Variants in SUGCT observed in about 807,000 individuals in gnomAD.
SUGCT encodes succinyl-CoA:glutarate-CoA transferase.
Under a neutral mutation model 55.0 loss-of-function variants are expected in SUGCT, and 41 were observed. That is an observed-to-expected ratio of 0.74 (90% CI 0.58 to 0.97). The LOEUF is 0.97. Among genes scored for constraint, SUGCT ranks in the 50% least tolerant of loss-of-function variants. The pLI, the probability that SUGCT is intolerant of heterozygous loss-of-function variation, is 0.00. For synonymous variants in SUGCT, 187 were observed against 200.4 expected, an observed-to-expected ratio of 0.93 and a Z score of 0.56; for missense variants, 568 against 547.8, an observed-to-expected ratio of 1.04 and a Z score of -0.37.
chr7:40,489,346 G>T (rs1390221980), intron 11 of SUGCT, among the ~76,000 whole-genome samples: 4 of 150,604 alleles, frequency 2.7e-5, no homozygotes, highest in Non-Finnish European at 4.4e-5. Context: ...TCTGATATTT[G>T]TTTCTCTGTA....
chr7:40,460,352 G>T (rs1162762399), intron 11 of SUGCT, among the ~76,000 whole-genome samples: 1 of 152,134 alleles, frequency 6.6e-6, no homozygotes, highest in African/African-American at 2.4e-5. Flanking sequence ...GCCCTTTTCT[G>T]GTCCCTAGTT....
intron 13 of SUGCT, among the ~76,000 whole-genome samples, chr7:40,796,334 G>A (rs937445090): frequency 6.6e-5 from 10 of 152,198 alleles, no homozygotes; most frequent in African/African-American, 2.4e-4. Flanking sequence ...GATATGGTAA[G>A]GAGAGAACTT....
chr7:40,213,510 C>T (rs368796637), intron 6 of SUGCT, among the ~76,000 whole-genome samples: 91 of 152,262 alleles, frequency 6.0e-4, no homozygotes, highest in Middle Eastern at 3.4e-3. Context: ...TTGATCTCTT[C>T]GTTAGGATGG....
chr7:41,033,632 CACA>C, the SUGCT span, among the ~76,000 whole-genome samples: 1 of 152,084 alleles, frequency 6.6e-6, no homozygotes, highest in Admixed American at 6.5e-5. Flanking sequence ...TGCAAATGTG[CACA>C]TGCAGGAATT....
At chr7:40,871,864 C>A in the SUGCT span, among the ~76,000 whole-genome samples, 1 of 152,180 alleles carries the variant, frequency 6.6e-6, no homozygotes, top group African/African-American at 2.4e-5. Flanking sequence ...ATATGGAACA[C>A]AAATATTAAT....
At chr7:40,331,139 C>T (rs763922185) in intron 9 of SUGCT, among the ~76,000 whole-genome samples, 5 of 152,050 alleles carry the variant, frequency 3.3e-5, no homozygotes, top group African/African-American at 9.7e-5. Context: ...GCATTCAAAG[C>T]GTCCTGGGCC....
intron 13 of SUGCT, chr7:40,785,275 A>G (rs1483213285): frequency 6.6e-6 from 1 of 152,204 alleles, no homozygotes; most frequent in Non-Finnish European, 1.5e-5. Flanking sequence ...CTAATTCTTT[A>G]GGGATAAGAA....
chr7:40,447,542 A>G (rs1788908073), intron 9 of SUGCT, among the ~76,000 whole-genome samples: 1 of 152,122 alleles, frequency 6.6e-6, no homozygotes, highest in Admixed American at 6.6e-5. Context: ...TGGGGAAGTG[A>G]GGGCAGGTGG....
intron 9 of SUGCT, among the ~76,000 whole-genome samples, chr7:40,367,877 C>T (rs1255573017): frequency 1.3e-5 from 2 of 152,148 alleles, no homozygotes; most frequent in Non-Finnish European, 2.9e-5. Flanking sequence ...CCTTCCTGGC[C>T]CTTGCCATCT....
chr7:40,361,561 G>A (rs551496122), intron 9 of SUGCT, among the ~76,000 whole-genome samples: 7 of 150,858 alleles, frequency 4.6e-5, no homozygotes, highest in African/African-American at 1.2e-4. Flanking sequence ...GCGACACAGC[G>A]AGACTCCATC....
chr7:40,896,054 A>G, the SUGCT span, among the ~76,000 whole-genome samples: 1 of 152,218 alleles, frequency 6.6e-6, no homozygotes, highest in Admixed American at 6.5e-5. Flanking sequence ...GAAAGAAGTA[A>G]AATTGTTTGC....
intron 9 of SUGCT, among the ~76,000 whole-genome samples, chr7:40,387,154 A>T (rs927716403): frequency 5.3e-5 from 8 of 152,208 alleles, no homozygotes; most frequent in Non-Finnish European, 1.2e-4. Context: ...AATGCAAATT[A>T]CTAAATGTGA....
At chr7:40,284,860 A>G (rs1359083920) in intron 8 of SUGCT, among the ~76,000 whole-genome samples, 3 of 152,230 alleles carry the variant, frequency 2.0e-5, no homozygotes. Flanking sequence ...GCTATTGGTT[A>G]GGTTAAATGC....
chr7:40,448,904 A>ATGTG (rs34734227), intron 9 of SUGCT, among the ~76,000 whole-genome samples: 1,567 of 145,496 alleles, frequency 0.011, 51 homozygotes, highest in Admixed American at 0.062. Context: ...ATAGACACAT[A>ATGTG]TGTGTGTGTG....
chr7:40,658,486 T>A (rs1037192563), intron 12 of SUGCT, among the ~76,000 whole-genome samples: 3 of 152,082 alleles, frequency 2.0e-5, no homozygotes, highest in Non-Finnish European at 4.4e-5. Context: ...TGATTTCCCT[T>A]CTCCTCATCC....
chr7:40,938,264 AT>A, the SUGCT span, among the ~76,000 whole-genome samples: 2 of 151,918 alleles, frequency 1.3e-5, no homozygotes, highest in Admixed American at 1.3e-4. Flanking sequence ...GAAATTTACC[AT>A]TTTGCCTTTT....
At chr7:40,155,517 G>A (rs1200858771) in intron 1 of SUGCT, among the ~76,000 whole-genome samples, 1 of 152,146 alleles carries the variant, frequency 6.6e-6, no homozygotes, top group Non-Finnish European at 1.5e-5. Context: ...ACTGTTGAAG[G>A]AGGCCCAACA....
chr7:40,837,581 T>TTTA (rs944108163), intron 13 of SUGCT, among the ~76,000 whole-genome samples: 4 of 152,060 alleles, frequency 2.6e-5, no homozygotes, highest in African/African-American at 7.2e-5. Context: ...TTTGAGTTAT[T>TTTA]TTATTATTAT....
chr7:40,950,546 G>A, the SUGCT span, among the ~76,000 whole-genome samples: 1 of 152,066 alleles, frequency 6.6e-6, no homozygotes, highest in Non-Finnish European at 1.5e-5. Flanking sequence ...GTTTTCAAAG[G>A]GAATGCTTCC....
Sources: gnomAD v4.1 joint callset for allele counts (sites outside exome capture counted in the v4.1 genomes callset) on GRCh38, gnomAD v4.1.1 for gene constraint, MANE v1.5 for transcripts, NCBI Gene and HGNC (gene_info 2026-07-23, HGNC 2026-07-21) for gene names.